Variants in AGBL4 observed in about 807,000 individuals in gnomAD.
AGBL4 encodes the protein cytosolic carboxypeptidase 6.
AGBL4 carries 58 observed loss-of-function variants against 66.4 expected under a neutral mutation model. That is an observed-to-expected ratio of 0.87 (90% CI 0.71 to 1.09). AGBL4 has a LOEUF of 1.09. AGBL4 is among the 50% of genes least tolerant of loss of function. AGBL4 has a pLI of 0.00. For synonymous variants in AGBL4, 234 were observed against 222.9 expected (o/e 1.05, Z -0.44); for missense variants, 579 against 631.0 (o/e 0.92, Z 0.88).
chr1:48,920,966 A>T (rs956872679), intron 5 of AGBL4, among the ~76,000 whole-genome samples: 2 of 152,196 alleles, frequency 1.3e-5, no homozygotes, highest in Admixed American at 6.5e-5. Flanking sequence ...GGACAAGGGT[A>T]TGGAGCTCTG....
At chr1:48,579,912 C>T (rs1448954308) in intron 11 of AGBL4, among the ~76,000 whole-genome samples, 3 of 129,456 alleles carry the variant, frequency 2.3e-5, no homozygotes, top group Non-Finnish European at 4.9e-5. Flanking sequence ...TGAGACTCCG[C>T]CTCAAAAAAA....
intron 4 of AGBL4, among the ~76,000 whole-genome samples, chr1:49,050,102 T>G (rs563226986): frequency 1.2e-4 from 18 of 152,128 alleles, no homozygotes; most frequent in African/African-American, 4.3e-4. Context: ...AGATTTCAGG[T>G]CCTGTAGTGT....
chr1:49,060,155 C>A (rs1644377943), intron 4 of AGBL4, among the ~76,000 whole-genome samples: 1 of 151,888 alleles, frequency 6.6e-6, no homozygotes, highest in Admixed American at 6.6e-5. Context: ...TCCCATAAGC[C>A]CCATATGTTG....
intron 3 of AGBL4, among the ~76,000 whole-genome samples, chr1:49,422,194 T>A (rs1645561454): frequency 6.6e-6 from 1 of 152,178 alleles, no homozygotes; most frequent in Non-Finnish European, 1.5e-5. Flanking sequence ...AGATTTTTAA[T>A]CCAATCATTT....
intron 11 of AGBL4, among the ~76,000 whole-genome samples, chr1:48,582,717 A>G (rs1644758598): frequency 6.6e-6 from 1 of 152,190 alleles, no homozygotes; most frequent in South Asian, 2.1e-4. Context: ...AGTGAGTACT[A>G]TTTTTATTTT....
intron 3 of AGBL4, among the ~76,000 whole-genome samples, chr1:49,520,522 C>G (rs1650172720): frequency 6.6e-6 from 1 of 151,826 alleles, no homozygotes; most frequent in Admixed American, 6.6e-5. Context: ...ATAATAAGGC[C>G]CTACCTGTTG....
intron 3 of AGBL4, among the ~76,000 whole-genome samples, chr1:49,643,702 T>C (rs1002869937): frequency 1.1e-4 from 16 of 151,622 alleles, no homozygotes; most frequent in Non-Finnish European, 2.2e-4. Context: ...AAAGAGAACA[T>C]TTTCAACCTA....
At chr1:49,339,491 A>T (rs1157996244) in intron 3 of AGBL4, among the ~76,000 whole-genome samples, 1 of 152,202 alleles carries the variant, frequency 6.6e-6, no homozygotes, top group Non-Finnish European at 1.5e-5. Context: ...CTGTGGCAGA[A>T]AATGTTGATC....
intron 4 of AGBL4, among the ~76,000 whole-genome samples, chr1:49,056,037 C>T (rs544917065): frequency 2.8e-4 from 43 of 152,134 alleles, no homozygotes; most frequent in Non-Finnish European, 5.3e-4. Context: ...CCTGACATGC[C>T]CCAAATCTGG....
intron 2 of AGBL4, among the ~76,000 whole-genome samples, chr1:49,782,159 A>T (rs1644352028): frequency 1.3e-5 from 2 of 151,946 alleles, no homozygotes; most frequent in African/African-American, 4.8e-5. Context: ...AACAAGAAAG[A>T]AAGTCAATAA....
intron 4 of AGBL4, among the ~76,000 whole-genome samples, chr1:49,234,860 A>G (rs1442770264): frequency 1.3e-5 from 2 of 152,168 alleles, no homozygotes; most frequent in Non-Finnish European, 2.9e-5. Flanking sequence ...GGTCATATAA[A>G]TTTGGGACGG....
chr1:49,658,788 C>T (rs1425358110), intron 3 of AGBL4, among the ~76,000 whole-genome samples: 1 of 151,352 alleles, frequency 6.6e-6, no homozygotes, highest in Non-Finnish European at 1.5e-5. Flanking sequence ...TGTTCTCACT[C>T]ACAGGTGGGA....
chr1:49,878,497 T>C (rs1378171575), intron 1 of AGBL4, among the ~76,000 whole-genome samples: 1 of 152,144 alleles, frequency 6.6e-6, no homozygotes, highest in Non-Finnish European at 1.5e-5. Context: ...TTCTGAGTTC[T>C]ACTTTGATTG....
At chr1:49,538,927 CT>C (rs942152864) in intron 3 of AGBL4, among the ~76,000 whole-genome samples, 2 of 152,064 alleles carry the variant, frequency 1.3e-5, no homozygotes, top group Non-Finnish European at 1.5e-5. Flanking sequence ...AACAATTGCA[CT>C]TTTAGGACTT....
chr1:48,737,258 T>C (rs1286791450), intron 6 of AGBL4, among the ~76,000 whole-genome samples: 1 of 151,678 alleles, frequency 6.6e-6, no homozygotes. Context: ...CACTCCAGTC[T>C]GGGAGACAGA....
chr1:48,591,872 G>C (rs1644924026), intron 9 of AGBL4, among the ~76,000 whole-genome samples: 1 of 152,198 alleles, frequency 6.6e-6, no homozygotes, highest in African/African-American at 2.4e-5. Context: ...CTTCCCTGAA[G>C]GTAGGAGGAT....
rs1643918593 is a variant in AGBL4 at position 48,533,182 on chromosome 1, G to T, written c.*991C>A. ...GTCATTTTAATTAGCAGGCTGTCAT[G>T]GTGACTCAGCCTGCTGTTTCCACAG... On this transcript the variant is annotated 3_prime_UTR_variant, in exon 14 of 14. Transcript: ENST00000371839. 6.6e-6 allele frequency: 1 copy of T among 152,064 alleles called. No homozygotes were observed. The highest frequency in any genetic ancestry group is 6.6e-5 in the Admixed American group (1 of 15,248). 9.4% of individuals were successfully genotyped at this position (152,064 alleles called of 1,614,324 possible). A position where few individuals can be genotyped will look rare whatever the true frequency, so the allele number is the denominator to read the frequency against.
intron 3 of AGBL4, among the ~76,000 whole-genome samples, chr1:49,336,172 G>A (rs1645433747): frequency 6.6e-6 from 1 of 152,142 alleles, no homozygotes; most frequent in African/African-American, 2.4e-5. Context: ...TATGGTGTAA[G>A]TTCCAGTCTG....
intron 3 of AGBL4, among the ~76,000 whole-genome samples, chr1:49,578,218 A>G (rs1451131942): frequency 6.6e-6 from 1 of 152,198 alleles, no homozygotes; most frequent in Non-Finnish European, 1.5e-5. Context: ...TATCAAGATG[A>G]AATCAGTCTA....
Sources: gnomAD v4.1 joint callset for allele counts (sites outside exome capture counted in the v4.1 genomes callset) on GRCh38, gnomAD v4.1.1 for gene constraint, MANE v1.5 for transcripts, NCBI Gene and HGNC (gene_info 2026-07-23, HGNC 2026-07-21) for gene names.